The following PRDM16 variants were observed in gnomAD, a reference collection of about 807,000 sequenced individuals.
PRDM16 encodes the protein histone-lysine N-methyltransferase PRDM16.
Under a neutral mutation model 110.6 loss-of-function variants are expected in PRDM16, and 23 were observed. The observed-to-expected ratio is 0.21, with a 90% CI of 0.15 to 0.29. The LOEUF is 0.29. PRDM16 is among the 10% of genes least tolerant of loss of function. The probability of loss-of-function intolerance (pLI) is 1.00; values close to 1 mark genes in which losing one functional copy is unlikely to be tolerated. For missense variants in PRDM16, 1,615 were observed against 1,794.3 expected, an observed-to-expected ratio of 0.90 and a Z score of 1.81; for synonymous variants, 799 against 781.8, an observed-to-expected ratio of 1.02 and a Z score of -0.37.
Position 3,244,664 on chromosome 1 carries a change from G to A in PRDM16, c.438+527G>A, listed in dbSNP as rs945518221. The stretch of plus-strand genomic sequence containing the variant: ...GCTTTGCTGACTGGTGGTGGATAAC[G>A]GCTGGTGGACAAACATTAGGTCTAA... On this transcript the variant is annotated intron_variant, in intron 3 of 16. Transcript: ENST00000270722. This position sits in a 1 kb window ranked among gnomAD's most constrained non-coding sequence, Gnocchi z 4.1. Among the ~76,000 whole-genome samples, 2 of 152,086 alleles carry A rather than the reference G, an allele frequency of 1.3e-5. No individual in the cohort carries two copies. The highest frequency in any genetic ancestry group is 2.4e-5 in the African/African-American group (1 of 41,392).
At chr1:3,298,350 G>A (rs1364888447) in intron 3 of PRDM16, among the ~76,000 whole-genome samples, 1 of 152,260 alleles carries the variant, frequency 6.6e-6, no homozygotes, top group Non-Finnish European at 1.5e-5. Flanking sequence ...CGCACCAGCA[G>A]AGGCTCGAGC....
chr1:3,113,300 CAG>C (rs1236857976), intron 1 of PRDM16, among the ~76,000 whole-genome samples: 1 of 152,146 alleles, frequency 6.6e-6, no homozygotes, highest in Non-Finnish European at 1.5e-5. Context: ...GGAAGCAGGA[CAG>C]GGGCCCGGAG....
rs1643716171 is a variant in PRDM16 at position 3,148,323 on chromosome 1, AC to A, written c.38-37801del. Among the ~76,000 whole-genome samples the A allele has an allele frequency of 6.6e-6, 1 of 151,580 alleles. No homozygotes were observed. Among genetic ancestry groups the A allele is most frequent in the Non-Finnish European group, 1.5e-5 (1 of 67,910 alleles). On this transcript the variant is annotated intron_variant, in intron 1 of 16. Coordinates refer to ENST00000270722, the MANE Select transcript of PRDM16 (RefSeq NM_022114.4). This position sits in a 1 kb window ranked among gnomAD's most constrained non-coding sequence, Gnocchi z 5.0. ...GCCACAGGTGGCCGCCCAGGGGTTT[AC>A]TCTAGGGGTGTCCCTCACCAGGCAG...
intron 3 of PRDM16, among the ~76,000 whole-genome samples, chr1:3,294,925 C>T (rs751364480): frequency 3.3e-5 from 5 of 152,222 alleles, no homozygotes; most frequent in Non-Finnish European, 7.3e-5. Flanking sequence ...GTAGACCCCA[C>T]GGAAGTGGCC....
intron 3 of PRDM16, among the ~76,000 whole-genome samples, chr1:3,354,461 A>C (rs1642555097): frequency 8.6e-6 from 1 of 115,668 alleles, no homozygotes. Flanking sequence ...CTCTGCCTCA[A>C]AAAAAAAAAA....
chr1:3,432,530 A>T (rs1638796322), intron 16 of PRDM16, among the ~76,000 whole-genome samples: 1 of 152,182 alleles, frequency 6.6e-6, no homozygotes, highest in Non-Finnish European at 1.5e-5. Flanking sequence ...AGAGCTGTCC[A>T]GCCGGGCAGT....
intron 3 of PRDM16, among the ~76,000 whole-genome samples, chr1:3,275,082 A>G (rs1392952166): frequency 6.6e-6 from 1 of 152,258 alleles, no homozygotes; most frequent in African/African-American, 2.4e-5. Context: ...TGCGCCTGGC[A>G]GAGCCATTCT....
In PRDM16 at chr1:3,385,214, C is replaced by G. The variant is rs1643175850; in HGVS notation, c.501C>G (p.Ser167Arg). 1 of 1,613,730 alleles carries G rather than the reference C, an allele frequency of 6.2e-7. No individual in the cohort carries two copies. Among genetic ancestry groups the G allele is most frequent in the East Asian group, 2.2e-5 (1 of 44,880 alleles). Reference protein sequence around the residue: ...CVDANQAGAGSWLKYIRVACS... With the variant: ...CVDANQAGAGRWLKYIRVACS... ...ATGCAAATCAGGCGGGGGCTGGCAG[C>G]TGGCTCAAGTACATCCGTGTGGCGT... is the stretch of plus-strand genomic sequence containing the variant. The change falls in exon 4 of 17, where the codon AGC becomes AGG. Residue 167 changes from serine (S) to arginine (R), a missense_variant. Transcript: ENST00000270722.
intron 1 of PRDM16, among the ~76,000 whole-genome samples, chr1:3,169,913 C>T (rs1644006302): frequency 6.6e-6 from 1 of 152,234 alleles, no homozygotes; most frequent in Non-Finnish European, 1.5e-5. Flanking sequence ...AATTCACTGC[C>T]TAATGACCGC....
At chr1:3,369,650 G>A (rs1238891410) in intron 3 of PRDM16, among the ~76,000 whole-genome samples, 8 of 152,250 alleles carry the variant, frequency 5.3e-5, no homozygotes, top group Non-Finnish European at 1.2e-4. Context: ...ATCCTGGGAA[G>A]TAGAATCATT....
At chr1:3,333,108 G>A (rs1485472399) in intron 3 of PRDM16, among the ~76,000 whole-genome samples, 1 of 152,212 alleles carries the variant, frequency 6.6e-6, no homozygotes, top group African/African-American at 2.4e-5. Context: ...CTAGGCGTGG[G>A]ATTGCAGGTC....
In PRDM16 at chr1:3,329,841, C is replaced by T. The variant is rs1426435641; in HGVS notation, c.439-55311C>T. ...GTTATGGTGGGCTGTGTTCTCCGGC[C>T]TCCCATGCAGTCCCTGCCTTACCCA... On this transcript the variant is annotated intron_variant, in intron 3 of 16. Transcript: ENST00000270722. Among the ~76,000 whole-genome samples, 3 of 152,384 alleles carry T rather than the reference C, an allele frequency of 2.0e-5. No individual in the cohort carries two copies. In the East Asian group the frequency reaches 5.8e-4, roughly 29 times the overall value.
At position 3,243,995 on chromosome 1, in the gene PRDM16, G is replaced by C. The variant is rs561359226; in HGVS notation, c.388-92G>C. 5 of 1,315,418 alleles carry C rather than the reference G, an allele frequency of 3.8e-6. No homozygotes were observed. In the South Asian group the frequency reaches 6.0e-5, roughly 16 times the overall value. 81.5% of individuals were successfully genotyped at this position (1,315,418 alleles called of 1,614,324 possible). A position where few individuals can be genotyped will look rare whatever the true frequency, so the allele number is the denominator to read the frequency against. On this transcript the variant is annotated intron_variant, in intron 2 of 16. Transcript: ENST00000270722. The surrounding 1 kb of genome is among the most constrained non-coding windows in gnomAD (Gnocchi z 5.5). ...CTGGGTCCCACCCTGTGACTTTTGG[G>C]GACAGTGGTTCTGCCCCCACCATTT... is the stretch of plus-strand genomic sequence containing the variant.
chr1:3,073,484 A>T (rs1641816113), intron 1 of PRDM16, among the ~76,000 whole-genome samples: 1 of 152,186 alleles, frequency 6.6e-6, no homozygotes, highest in African/African-American at 2.4e-5. Flanking sequence ...CGAGTCTTGG[A>T]AGCTGCAGCT....
At chr1:3,140,440 A>T (rs2100700372) in intron 1 of PRDM16, among the ~76,000 whole-genome samples, 1 of 152,002 alleles carries the variant, frequency 6.6e-6, no homozygotes, top group Middle Eastern at 3.4e-3. Context: ...GGGACAGGTG[A>T]TCCGGAGCCC....
chr1:3,327,090 A>G (rs1641929875), intron 3 of PRDM16, among the ~76,000 whole-genome samples: 1 of 152,250 alleles, frequency 6.6e-6, no homozygotes, highest in African/African-American at 2.4e-5. Flanking sequence ...AGGAGGCCCC[A>G]GGCTCTTCAA....
At chr1:3,357,246 A>C (rs950492556) in intron 3 of PRDM16, among the ~76,000 whole-genome samples, 1 of 152,012 alleles carries the variant, frequency 6.6e-6, no homozygotes, top group African/African-American at 2.4e-5. Flanking sequence ...TGGGCCATGA[A>C]CGGGGACCTA....
chr1:3,071,950 T>TCTC, intron 1 of PRDM16, among the ~76,000 whole-genome samples: 1 of 152,196 alleles, frequency 6.6e-6, no homozygotes, highest in East Asian at 1.9e-4. Context: ...TTGGGTCTTG[T>TCTC]GAAGGGCCAA....
chr1:3,121,064 G>A (rs979489052), intron 1 of PRDM16, among the ~76,000 whole-genome samples: 3 of 152,212 alleles, frequency 2.0e-5, no homozygotes, highest in Non-Finnish European at 2.9e-5. Flanking sequence ...TCTTTCTGTC[G>A]TGTAGGAAAA....
Sources: allele counts gnomAD v4.1 joint callset (sites outside exome capture counted in the v4.1 genomes callset), GRCh38; gene constraint gnomAD v4.1.1; non-coding constraint Gnocchi (gnomAD v3.1); transcripts MANE v1.5; gene names NCBI Gene and HGNC (gene_info 2026-07-23, HGNC 2026-07-21).